Variants in DMD observed in about 807,000 individuals in gnomAD.
DMD encodes mutant dystrophin.
A neutral mutation model predicts 330.1 loss-of-function variants in DMD; 63 were observed. The ratio of observed to expected loss-of-function variants is 0.19; its 90% confidence interval spans 0.16 to 0.24. DMD has a LOEUF of 0.24. Among genes scored for constraint, DMD ranks in the 10% least tolerant of loss-of-function variants. The pLI is 1.00. For synonymous variants in DMD, 1,223 were observed against 959.8 expected (o/e 1.27, Z -5.07); for missense variants, 3,344 against 2,684.1 (o/e 1.25, Z -5.43).
At chrX:31,866,547 G>A (rs2093802920) in intron 48 of DMD, among the ~76,000 whole-genome samples, 1 of 112,174 alleles carries the variant, frequency 8.9e-6, no homozygotes, top group Non-Finnish European at 1.9e-5. Flanking sequence ...TATTGAGTAG[G>A]TGAATTTAAC....
chrX:32,406,184 C>T (rs867980382), intron 30 of DMD, among the ~76,000 whole-genome samples: 10 of 111,534 alleles, frequency 9.0e-5, no homozygotes, highest in African/African-American at 3.3e-4. Flanking sequence ...GATATACAAT[C>T]ATGTCATCTG....
At chrX:32,354,197 A>G (rs1184846754) in intron 37 of DMD, among the ~76,000 whole-genome samples, 1 of 111,939 alleles carries the variant, frequency 8.9e-6, no homozygotes. Flanking sequence ...AATCATGATA[A>G]ATTACCACTA....
intron 48 of DMD, among the ~76,000 whole-genome samples, chrX:31,874,456 T>A (rs1359042836): frequency 9.0e-6 from 1 of 111,606 alleles, no homozygotes; most frequent in Non-Finnish European, 1.9e-5. Context: ...ATAAGGAATC[T>A]ATGAATATGT....
At chrX:31,219,697 T>A (rs1437642434) in intron 64 of DMD, among the ~76,000 whole-genome samples, 2 of 110,303 alleles carry the variant, frequency 1.8e-5, no homozygotes, top group African/African-American at 6.6e-5. Flanking sequence ...CCAATAATTG[T>A]AATCTCACCC....
chrX:31,209,898 G>C, intron 64 of DMD, among the ~76,000 whole-genome samples, 199 bp from the exon 65 acceptor site: 1 of 111,710 alleles, frequency 9.0e-6, no homozygotes. Flanking sequence ...TTCAGGATCT[G>C]AAGTTGTTCT....
At chrX:31,569,168 T>C (rs1242036967) in intron 55 of DMD, among the ~76,000 whole-genome samples, 1 of 85,404 alleles carries the variant, frequency 1.2e-5, no homozygotes, top group Non-Finnish European at 2.2e-5. Flanking sequence ...TTTTTACCCA[T>C]TCTACTATTT....
At chrX:32,835,047 A>G (rs747062830) in intron 4 of DMD, among the ~76,000 whole-genome samples, 1 of 111,767 alleles carries the variant, frequency 8.9e-6, no homozygotes, top group African/African-American at 3.2e-5. Context: ...CAGACAAAAA[A>G]TTAATCATTA....
chrX:32,806,657 C>T (rs2076966570), intron 7 of DMD, among the ~76,000 whole-genome samples: 1 of 111,825 alleles, frequency 8.9e-6, no homozygotes, highest in East Asian at 2.8e-4. Context: ...CTCAGCACCA[C>T]ATCATACTTA....
chrX:31,329,820 A>C (rs768537257), intron 61 of DMD, among the ~76,000 whole-genome samples: 1 of 108,021 alleles, frequency 9.3e-6, no homozygotes, highest in South Asian at 4.2e-4. Context: ...AAAATACAAA[A>C]ATTAGCTGGG....
intron 64 of DMD, among the ~76,000 whole-genome samples, chrX:31,213,241 C>T (rs1412342904): frequency 8.9e-6 from 1 of 112,678 alleles, no homozygotes. Flanking sequence ...AATATCTACA[C>T]AGTGCAGAGC....
intron 34 of DMD, among the ~76,000 whole-genome samples, chrX:32,374,832 C>A (rs767808408): frequency 8.9e-6 from 1 of 111,827 alleles, no homozygotes; most frequent in African/African-American, 3.2e-5. Context: ...ACACAATACA[C>A]CCATGTAACA....
At chrX:32,972,438 C>G (rs1189457816) in intron 2 of DMD, among the ~76,000 whole-genome samples, 1 of 111,373 alleles carries the variant, frequency 9.0e-6, no homozygotes, top group African/African-American at 3.3e-5. Context: ...CCTTGGCCTC[C>G]TAAAGTGCTG....
chrX:32,274,537 T>C (rs2097377948), intron 43 of DMD, among the ~76,000 whole-genome samples: 1 of 112,314 alleles, frequency 8.9e-6, no homozygotes, highest in African/African-American at 3.2e-5. Flanking sequence ...CTTTGAACTA[T>C]AAATAGGAAT....
At chrX:31,769,685 G>A (rs112663088) in intron 51 of DMD, among the ~76,000 whole-genome samples, 9,556 of 111,935 alleles carry the variant, frequency 0.085, 547 homozygotes, top group African/African-American at 0.19. Flanking sequence ...ATCCTGGGAC[G>A]CATGTGGCTC....
intron 1 of DMD, among the ~76,000 whole-genome samples, chrX:33,053,366 C>T (rs1320169608): frequency 5.4e-5 from 6 of 110,743 alleles, no homozygotes; most frequent in African/African-American, 2.0e-4. Context: ...GAGGCTGAGG[C>T]GGGCGGATCA....
At chrX:31,570,694 G>A (rs76471177) in intron 55 of DMD, among the ~76,000 whole-genome samples, 2 of 7,680 alleles carry the variant, frequency 2.6e-4, no homozygotes, top group East Asian at 0.069. Flanking sequence ...TTTATCTTAT[G>A]TTATTAATTT....
intron 77 of DMD, among the ~76,000 whole-genome samples, chrX:31,128,136 CCTT>C (rs965932111): frequency 7.2e-5 from 8 of 111,187 alleles, no homozygotes; most frequent in African/African-American, 2.3e-4. Flanking sequence ...ATCACTCACC[CCTT>C]CTTTTTGATT....
At chrX:32,684,408 T>TCACCA (rs1465947139) in intron 9 of DMD, among the ~76,000 whole-genome samples, 1 of 111,704 alleles carries the variant, frequency 9.0e-6, no homozygotes, top group African/African-American at 3.2e-5. Flanking sequence ...CTAAGTTTTA[T>TCACCA]TAATCCTATG....
At chrX:32,519,884 A>G (rs551620300) in intron 17 of DMD, among the ~76,000 whole-genome samples, 1 of 112,222 alleles carries the variant, frequency 8.9e-6, no homozygotes, top group Admixed American at 9.4e-5. Context: ...CGCATTTTAT[A>G]TTCTCACAAA....
Sources: allele counts gnomAD v4.1 joint callset (sites outside exome capture counted in the v4.1 genomes callset), GRCh38; gene constraint gnomAD v4.1.1; transcripts MANE v1.5; gene names NCBI Gene and HGNC (gene_info 2026-07-23, HGNC 2026-07-21).